MTHFD1L: variants seen among roughly 807,000 people sequenced by gnomAD.
The protein encoded by MTHFD1L is methylenetetrahydrofolate dehydrogenase (NADP+ dependent) 1 like, also known as monofunctional C1-tetrahydrofolate synthase, mitochondrial.
Under a neutral mutation model 119.5 loss-of-function variants are expected in MTHFD1L, and 81 were observed. The observed-to-expected ratio is 0.68, with a 90% CI of 0.57 to 0.82. The LOEUF (loss-of-function observed/expected upper bound fraction) is 0.82. Ranked by LOEUF, MTHFD1L falls within the 40% of genes least tolerant of loss-of-function variation. The probability of loss-of-function intolerance (pLI) is 0.00; values close to 1 mark genes in which losing one functional copy is unlikely to be tolerated. For missense variants in MTHFD1L, 1,125 were observed against 1,253.4 expected (o/e 0.90, Z 1.55); for synonymous variants, 430 against 475.2 (o/e 0.90, Z 1.24).
intron 26 of MTHFD1L, chr6:151,057,301 A>G (rs1037897643): frequency 2.0e-6 from 2 of 985,290 alleles, no homozygotes; most frequent in African/African-American, 3.5e-5. Flanking sequence ...CATATGGAAA[A>G]TTGGAGGCAA....
intron 11 of MTHFD1L, among the ~76,000 whole-genome samples, chr6:150,927,089 A>G (rs1790125612): frequency 6.6e-6 from 1 of 152,224 alleles, no homozygotes; most frequent in Non-Finnish European, 1.5e-5. Flanking sequence ...TGTAATTGGA[A>G]TTGACTCCTA....
chr6:151,074,916 T>A (rs1792342565), intron 26 of MTHFD1L, among the ~76,000 whole-genome samples: 1 of 152,176 alleles, frequency 6.6e-6, no homozygotes, highest in Non-Finnish European at 1.5e-5. Context: ...TACCCGTCTT[T>A]AAGCAACACA....
intron 26 of MTHFD1L, among the ~76,000 whole-genome samples, chr6:151,048,848 C>G (rs904222126): frequency 6.6e-6 from 1 of 152,216 alleles, no homozygotes; most frequent in Non-Finnish European, 1.5e-5. Flanking sequence ...TAGCACGCTT[C>G]TGTGGCTGGC....
intron 2 of MTHFD1L, among the ~76,000 whole-genome samples, chr6:150,876,798 C>T (rs144041014): frequency 3.0e-3 from 451 of 152,282 alleles, no homozygotes; most frequent in Non-Finnish European, 2.2e-3. Context: ...GGGCTGCTAC[C>T]GCAGGGCTTG....
Position 150,960,242 on chromosome 6 carries a change from C to T in MTHFD1L, c.1804-33C>T, listed in dbSNP as rs755165848. 16 of 1,584,764 alleles carry T rather than the reference C, an allele frequency of 1.0e-5. No individual in the cohort carries two copies. The East Asian group carries it at 1.6e-4, about 16-fold the overall frequency. On this transcript the variant is annotated intron_variant, in intron 17 of 27. Transcript: ENST00000367321. ...GGAATGGCCATCCCACTGGCACTGT[C>T]GCTGACCACTACCTGTGTTTGGGCT...
Position 150,905,760 on chromosome 6 carries a change from A to G in MTHFD1L, c.891A>G (p.Ser297=). ...TCAACTGCTCCCATGACTTCCTGTCAGGTAAATGTCTTCACATTGGTGTTG... is the reference window on the plus strand; with the variant it reads ...TCAACTGCTCCCATGACTTCCTGTCGGGTAAATGTCTTCACATTGGTGTTG... ...TVLNCSHDFL[S]GKVGCGSPRI... is the part of the protein sequence containing the mutation. Residue 297 remains serine, a splice_region_variant and synonymous_variant, in exon 8 of 28, where the codon TCA becomes TCG. Coordinates refer to ENST00000367321, the MANE Select transcript of MTHFD1L (RefSeq NM_015440.5). 6.2e-7 allele frequency: 1 copy of G among 1,607,352 alleles called. No individual in the cohort carries two copies. The highest frequency in any genetic ancestry group is 8.5e-7 in the Non-Finnish European group (1 of 1,173,790).
intron 26 of MTHFD1L, among the ~76,000 whole-genome samples, chr6:151,084,893 G>C (rs562036822): frequency 1.4e-4 from 21 of 150,664 alleles, no homozygotes; most frequent in Non-Finnish European, 2.5e-4. Flanking sequence ...CTTGAACCCG[G>C]GAGGTGGAGC....
chr6:151,018,680 G>A (rs1173211200), intron 24 of MTHFD1L, among the ~76,000 whole-genome samples: 1 of 152,244 alleles, frequency 6.6e-6, no homozygotes, highest in Non-Finnish European at 1.5e-5. Flanking sequence ...TTGGAGGTCT[G>A]GGGGGAGACA....
intron 27 of MTHFD1L, among the ~76,000 whole-genome samples, chr6:151,097,303 A>G (rs79416231): frequency 0.06 from 9,208 of 152,318 alleles, 385 homozygotes; most frequent in South Asian, 0.17. Flanking sequence ...CTTGAATTAC[A>G]TACACAGAAA....
rs569110 is a variant in MTHFD1L at position 150,978,920 on chromosome 6, T to C, written c.2125+6862T>C. Among the ~76,000 whole-genome samples the C allele has an allele frequency of 2.6e-5, 4 of 151,998 alleles. No homozygotes were observed. The South Asian group carries it at 8.3e-4, about 32-fold the overall frequency. On this transcript the variant is annotated intron_variant, in intron 20 of 27. Coordinates refer to ENST00000367321, the MANE Select transcript of MTHFD1L (RefSeq NM_015440.5). ...GCTCAGTGTTTTTCTCAATGCTCTT[T>C]ACCTGGTTGCCACCCTCTCCCATTA... is the stretch of plus-strand genomic sequence containing the variant.
intron 1 of MTHFD1L, among the ~76,000 whole-genome samples, chr6:150,875,185 A>T (rs957544429): frequency 5.3e-5 from 8 of 151,938 alleles, no homozygotes; most frequent in Non-Finnish European, 1.0e-4. Context: ...CCTCCCAAGT[A>T]TCTGGGACTA....
intron 7 of MTHFD1L, among the ~76,000 whole-genome samples, chr6:150,890,532 A>G (rs1350203698): frequency 2.0e-5 from 3 of 152,286 alleles, no homozygotes; most frequent in Middle Eastern, 3.4e-3. Flanking sequence ...GATGACCACT[A>G]GGGAATGTAT....
At position 150,994,077 on chromosome 6, in the gene MTHFD1L, A is replaced by AAAGAAAGAAAGAAAGAAAGAAAGAAG. The variant is rs1562508689; in HGVS notation, c.2126-15740_2126-15739insGAAAGAAAGAAAGAAAGAAAGAAGAA. Among the ~76,000 whole-genome samples the AAAGAAAGAAAGAAAGAAAGAAAGAAG allele has an allele frequency of 4.0e-4, 42 of 105,234 alleles. 1 individual carries two copies. Among genetic ancestry groups the AAAGAAAGAAAGAAAGAAAGAAAGAAG allele is most frequent in the East Asian group, 2.7e-3 (6 of 2,208 alleles). The allele number at this position is 105,234 out of a possible 152,430, so 69.0% of individuals were successfully genotyped here. ...TAACAACAACAGTAAAAAAAAAAAAAAAAGAAAGAAAGAAAGAAAGTGACC... is the reference window on the plus strand; with the variant it reads ...TAACAACAACAGTAAAAAAAAAAAAAAAGAAAGAAAGAAAGAAAGAAAGAAGAAAGAAAGAAAGAAAGAAAGTGACC... On this transcript the variant is annotated intron_variant, in intron 20 of 27. Transcript: ENST00000367321.
At chr6:150,930,759 A>G (rs1359148941) in intron 11 of MTHFD1L, among the ~76,000 whole-genome samples, 1 of 152,070 alleles carries the variant, frequency 6.6e-6, no homozygotes, top group Non-Finnish European at 1.5e-5. Flanking sequence ...ATTTAAATAT[A>G]TCAGCAATGG....
intron 1 of MTHFD1L, among the ~76,000 whole-genome samples, chr6:150,874,151 TG>T (rs1780008058): frequency 6.6e-6 from 1 of 152,210 alleles, no homozygotes; most frequent in Admixed American, 6.5e-5. Flanking sequence ...ATTGGATGGA[TG>T]GATTTTAGTG....
chr6:151,003,176 A>T (rs1780856488), intron 20 of MTHFD1L, among the ~76,000 whole-genome samples: 1 of 152,178 alleles, frequency 6.6e-6, no homozygotes, highest in Non-Finnish European at 1.5e-5. Context: ...AAATAAGCAC[A>T]ATTTTGAAAG....
At chr6:150,970,223 C>T (rs1485926064) in intron 19 of MTHFD1L, among the ~76,000 whole-genome samples, 2 of 152,094 alleles carry the variant, frequency 1.3e-5, no homozygotes, top group African/African-American at 4.8e-5. Context: ...TGATTGATGC[C>T]GGGCTCCCCA....
intron 20 of MTHFD1L, among the ~76,000 whole-genome samples, chr6:150,996,689 C>T (rs1420284578): frequency 6.6e-6 from 1 of 152,144 alleles, no homozygotes; most frequent in Non-Finnish European, 1.5e-5. Flanking sequence ...TACCCTCAGT[C>T]TCAAGATGAC....
intron 13 of MTHFD1L, among the ~76,000 whole-genome samples, chr6:150,940,781 T>C (rs569810316): frequency 2.0e-5 from 3 of 152,060 alleles, no homozygotes; most frequent in African/African-American, 2.4e-5. Flanking sequence ...GGTTTCACCA[T>C]GTTGGTCAGG....
Sources: allele counts gnomAD v4.1 joint callset (sites outside exome capture counted in the v4.1 genomes callset), GRCh38; gene constraint gnomAD v4.1.1; transcripts MANE v1.5; gene names NCBI Gene and HGNC (gene_info 2026-07-23, HGNC 2026-07-21).